CPA6: variants seen among roughly 807,000 people sequenced by gnomAD.
The protein encoded by CPA6 is carboxypeptidase A6.
In CPA6, 58 loss-of-function variants were observed where a neutral mutation model predicts 63.3. That is an observed-to-expected ratio of 0.92 (90% CI 0.74 to 1.14). The LOEUF is 1.14. Among genes scored for constraint, CPA6 ranks in the 50% most tolerant of loss-of-function variants. The pLI is 0.00. For missense variants in CPA6, 565 were observed against 526.6 expected (o/e 1.07, Z -0.71); for synonymous variants, 185 against 179.0 (o/e 1.03, Z -0.27).
At chr8:67,627,115 G>T (rs1036055656) in intron 1 of CPA6, among the ~76,000 whole-genome samples, 2 of 152,104 alleles carry the variant, frequency 1.3e-5, no homozygotes, top group Non-Finnish European at 2.9e-5. Context: ...AATAAGGAAG[G>T]CAATGTAGAA....
At chr8:67,462,573 TGGATGGACATTGCCAAA>T (rs906777823) in intron 8 of CPA6, among the ~76,000 whole-genome samples, 3 of 152,206 alleles carry the variant, frequency 2.0e-5, no homozygotes, top group Non-Finnish European at 4.4e-5. Context: ...TATTTCTTTT[TGGATGGACATTGCCAAA>T]GACCCATTCA....
chr8:67,477,783 A>C (rs1022933928), intron 8 of CPA6, among the ~76,000 whole-genome samples: 1 of 152,214 alleles, frequency 6.6e-6, no homozygotes, highest in African/African-American at 2.4e-5. Flanking sequence ...AAGGCAGTGC[A>C]TTCTTGCTGT....
At chr8:67,682,937 A>G (rs901179309) in intron 1 of CPA6, among the ~76,000 whole-genome samples, 2 of 152,156 alleles carry the variant, frequency 1.3e-5, no homozygotes, top group African/African-American at 4.8e-5. Flanking sequence ...TTGTTGATGG[A>G]TACTTAGCCG....
At chr8:67,492,007 A>G (rs1811616808) in intron 6 of CPA6, among the ~76,000 whole-genome samples, 1 of 152,204 alleles carries the variant, frequency 6.6e-6, no homozygotes, top group Non-Finnish European at 1.5e-5. Context: ...TGATAAATCT[A>G]CAAGGTAATT....
Position 67,476,537 on chromosome 8 carries a change from ATCTC to A in CPA6, c.838+7227_838+7230del, listed in dbSNP as rs1038923051. Among the ~76,000 whole-genome samples, 103 of 141,524 alleles carry A rather than the reference ATCTC, an allele frequency of 7.3e-4. No individual in the cohort carries two copies. In the East Asian group the frequency reaches 0.017, roughly 24 times the overall value. 92.8% of individuals were successfully genotyped at this position (141,524 alleles called of 152,430 possible). A position where few individuals can be genotyped will look rare whatever the true frequency, so the allele number is the denominator to read the frequency against. On this transcript the variant is annotated intron_variant, in intron 8 of 10. Transcript: ENST00000297770. ...ACTTCCTTCTTACCATACATTCCCA[ATCTC>A]TCTCTCTCTCTCTTTTTTTTTTTTT...
chr8:67,483,758 C>G lies in CPA6; in HGVS notation c.838+10G>C, dbSNP rs1252822662. The G allele has an allele frequency of 1.2e-6, 2 of 1,612,552 alleles. No individual in the cohort carries two copies. Among genetic ancestry groups the G allele is most frequent in the African/African-American group, 2.7e-5 (2 of 74,898 alleles). ...CTTTGGATCTGGATCCCAGTTGGTC[C>G]CAAACTTACCACACCACTTCACTTT... On this transcript the variant is annotated intron_variant, in intron 8 of 10. Coordinates refer to ENST00000297770, the MANE Select transcript of CPA6 (RefSeq NM_020361.5).
chr8:67,508,051 G>T (rs567662184), intron 5 of CPA6, among the ~76,000 whole-genome samples: 1 of 140,106 alleles, frequency 7.1e-6, no homozygotes, highest in Non-Finnish European at 1.6e-5. Context: ...GTGTGTGTCT[G>T]TTTGCTTGCT....
chr8:67,606,130 A>G (rs1254111828), intron 2 of CPA6, among the ~76,000 whole-genome samples: 1 of 146,152 alleles, frequency 6.8e-6, no homozygotes, highest in Non-Finnish European at 1.5e-5. Context: ...GGAATTGAAC[A>G]ATGAAAACAC....
intron 2 of CPA6, among the ~76,000 whole-genome samples, chr8:67,589,524 G>A (rs181925732): frequency 6.6e-6 from 1 of 152,288 alleles, no homozygotes; most frequent in East Asian, 1.9e-4. Context: ...GGACAGGTAA[G>A]ACCACTTCTA....
chr8:67,740,727 G>A (rs10089669), intron 1 of CPA6, among the ~76,000 whole-genome samples: 5,576 of 152,046 alleles, frequency 0.037, 344 homozygotes, highest in African/African-American at 0.13. Flanking sequence ...ATGCTACCAC[G>A]CCTGGCTAAT....
chr8:67,745,891 C>A, intron 1 of CPA6, 123 bp downstream of exon 1: 1 of 586,798 alleles, frequency 1.7e-6, no homozygotes, highest in Admixed American at 3.0e-5. Flanking sequence ...ATATAGAGGA[C>A]CGTGAAAGTG....
At chr8:67,533,976 A>G (rs1812530818) in intron 2 of CPA6, among the ~76,000 whole-genome samples, 1 of 152,238 alleles carries the variant, frequency 6.6e-6, no homozygotes, top group Non-Finnish European at 1.5e-5. Context: ...AAAGGTGCCA[A>G]TAGGTAAAGA....
At chr8:67,671,052 G>A (rs955700673) in intron 1 of CPA6, among the ~76,000 whole-genome samples, 11 of 152,094 alleles carry the variant, frequency 7.2e-5, no homozygotes, top group African/African-American at 2.2e-4. Flanking sequence ...GTTTCATTTG[G>A]TGATGGAAAA....
At chr8:67,609,532 C>T (rs563737455) in intron 2 of CPA6, among the ~76,000 whole-genome samples, 2 of 152,262 alleles carry the variant, frequency 1.3e-5, no homozygotes, top group East Asian at 1.9e-4. Context: ...CTTGACCAAC[C>T]TTGTCCAAGT....
intron 8 of CPA6, among the ~76,000 whole-genome samples, chr8:67,436,792 A>G (rs1186414009): frequency 6.6e-6 from 1 of 152,158 alleles, no homozygotes; most frequent in Non-Finnish European, 1.5e-5. Context: ...AAATAATTAG[A>G]TTTTCCATAG....
chr8:67,632,411 G>T (rs1230041744), intron 1 of CPA6, among the ~76,000 whole-genome samples: 1 of 151,774 alleles, frequency 6.6e-6, no homozygotes, highest in African/African-American at 2.4e-5. Flanking sequence ...GGACTCAATT[G>T]ATCCTCCCAC....
chr8:67,712,170 A>G (rs1380996428), intron 1 of CPA6, among the ~76,000 whole-genome samples: 1 of 152,124 alleles, frequency 6.6e-6, no homozygotes, highest in Admixed American at 6.5e-5. Context: ...CACAGCATGG[A>G]CAGAGCTCTA....
At chr8:67,741,444 T>C (rs1817910799) in intron 1 of CPA6, among the ~76,000 whole-genome samples, 1 of 152,074 alleles carries the variant, frequency 6.6e-6, no homozygotes, top group Non-Finnish European at 1.5e-5. Flanking sequence ...GTCCCAAAAC[T>C]CCTGGCCACA....
chr8:67,566,786 A>G (rs1340313998), intron 2 of CPA6, among the ~76,000 whole-genome samples: 1 of 152,196 alleles, frequency 6.6e-6, no homozygotes, highest in Non-Finnish European at 1.5e-5. Flanking sequence ...AGCACAGGGA[A>G]TGTGTAGATT....
Sources: gnomAD v4.1 joint callset for allele counts (sites outside exome capture counted in the v4.1 genomes callset) on GRCh38, gnomAD v4.1.1 for gene constraint, MANE v1.5 for transcripts, NCBI Gene and HGNC (gene_info 2026-07-23, HGNC 2026-07-21) for gene names.